SLX4IP: variants seen among roughly 807,000 people sequenced by gnomAD.
SLX4IP encodes protein SLX4IP.
SLX4IP carries 34 observed loss-of-function variants against 32.9 expected under a neutral mutation model. That is an observed-to-expected ratio of 1.03 (90% CI 0.79 to 1.38). The LOEUF (loss-of-function observed/expected upper bound fraction) is 1.38. SLX4IP is among the 40% of genes most tolerant of loss of function. SLX4IP has a pLI of 0.00. For missense variants in SLX4IP, 444 were observed against 479.0 expected, an observed-to-expected ratio of 0.93 and a Z score of 0.68; for synonymous variants, 172 against 171.7, an observed-to-expected ratio of 1.00 and a Z score of -0.01.
At chr20:10,510,477 C>T (rs765765214) in intron 2 of SLX4IP, among the ~76,000 whole-genome samples, 2 of 152,160 alleles carry the variant, frequency 1.3e-5, no homozygotes, top group Non-Finnish European at 1.5e-5. Context: ...GCGGGGAGCA[C>T]GGAGCCCTGC....
intron 2 of SLX4IP, 96 bp downstream of exon 2, chr20:10,458,327 G>T: frequency 3.1e-6 from 4 of 1,275,246 alleles, no homozygotes; most frequent in South Asian, 1.5e-5. Context: ...CTAACTTTCT[G>T]CTTTTTACAC....
intron 1 of SLX4IP, among the ~76,000 whole-genome samples, chr20:10,440,888 C>T (rs2065155330): frequency 6.6e-6 from 1 of 152,176 alleles, no homozygotes; most frequent in Non-Finnish European, 1.5e-5. Context: ...AGACACTGAG[C>T]ATCCACTGTG....
At chr20:10,441,953 G>A (rs1295255309) in intron 1 of SLX4IP, among the ~76,000 whole-genome samples, 4 of 152,060 alleles carry the variant, frequency 2.6e-5, no homozygotes, top group African/African-American at 9.7e-5. Context: ...TGTTGGGAGA[G>A]GACAACAGTG....
chr20:10,450,103 T>C (rs907362084), intron 1 of SLX4IP, among the ~76,000 whole-genome samples: 1 of 152,250 alleles, frequency 6.6e-6, no homozygotes, highest in African/African-American at 2.4e-5. Context: ...AAGCCTTGCC[T>C]TGGCCTTCCA....
intron 4 of SLX4IP, among the ~76,000 whole-genome samples, chr20:10,569,013 G>C (rs1411310312): frequency 6.6e-6 from 1 of 152,040 alleles, no homozygotes; most frequent in Non-Finnish European, 1.5e-5. Context: ...AATCTCTGTT[G>C]ATCCCACGTG....
At chr20:10,466,834 A>G (rs1209710238) in intron 2 of SLX4IP, among the ~76,000 whole-genome samples, 3 of 143,894 alleles carry the variant, frequency 2.1e-5, no homozygotes, top group African/African-American at 7.5e-5. Context: ...ATTAATATTT[A>G]GGAGGAAAGG....
intron 6 of SLX4IP, among the ~76,000 whole-genome samples, chr20:10,606,628 T>G (rs559617995): frequency 1.3e-5 from 2 of 152,212 alleles, no homozygotes; most frequent in East Asian, 3.8e-4. Flanking sequence ...ACCTAATAAC[T>G]GATGACCAAT....
At chr20:10,593,436 G>T (rs2066735205) in intron 4 of SLX4IP, among the ~76,000 whole-genome samples, 1 of 151,202 alleles carries the variant, frequency 6.6e-6, no homozygotes, top group African/African-American at 2.4e-5. Context: ...GGCAACTGAG[G>T]TTAAAAAAAA....
chr20:10,552,414 T>C (rs898820631), intron 2 of SLX4IP, among the ~76,000 whole-genome samples: 2 of 152,028 alleles, frequency 1.3e-5, no homozygotes, highest in African/African-American at 4.8e-5. Flanking sequence ...TTTTCTTTTT[T>C]TTTTTCACTT....
chr20:10,452,431 C>T (rs1457322883), intron 1 of SLX4IP, among the ~76,000 whole-genome samples: 1 of 151,654 alleles, frequency 6.6e-6, no homozygotes, highest in African/African-American at 2.4e-5. Context: ...TTTGGGAGGC[C>T]GAGGTGGGCG....
intron 2 of SLX4IP, among the ~76,000 whole-genome samples, chr20:10,543,572 C>T (rs181916103): frequency 3.3e-5 from 5 of 152,296 alleles, no homozygotes; most frequent in Admixed American, 3.3e-4. Context: ...TGGGACAAGC[C>T]AGCAAAGGAG....
intron 6 of SLX4IP, 37 bp downstream of exon 6, chr20:10,601,856 C>T: frequency 6.5e-7 from 1 of 1,548,866 alleles, no homozygotes; most frequent in Non-Finnish European, 8.9e-7. Flanking sequence ...AATAAGTCTG[C>T]TTAAATGCTG....
chr20:10,622,675 A>G lies in SLX4IP; in HGVS notation c.523A>G (p.Thr175Ala), dbSNP rs576689377. ...ALKEIVKRTETKSSVTSKSQT... is the reference protein window; with the variant it reads ...ALKEIVKRTEAKSSVTSKSQT... Reference sequence around the variant, plus strand: ...TTGTTTCAGTGTGAAAAGAACTGAAACAAAAAGCAGTGTCACGAGCAAATC... The same window carrying G: ...TTGTTTCAGTGTGAAAAGAACTGAAGCAAAAAGCAGTGTCACGAGCAAATC... Residue 175 changes from threonine to alanine, a missense_variant, in exon 8 of 8, where the codon ACA becomes GCA. Physicochemically the swap from Thr to Ala is moderately conservative, Grantham distance 58. Coordinates refer to ENST00000334534, the MANE Select transcript of SLX4IP (RefSeq NM_001009608.3). 1.2e-6 allele frequency: 2 copies of G among 1,608,674 alleles called. No homozygotes were observed. The highest frequency in any genetic ancestry group is 1.7e-5 in the Admixed American group (1 of 59,710).
chr20:10,442,059 G>C (rs1447766253), intron 1 of SLX4IP, among the ~76,000 whole-genome samples: 4 of 152,140 alleles, frequency 2.6e-5, no homozygotes. Flanking sequence ...ACTAATGAAA[G>C]TTTTTTAAGA....
chr20:10,599,220 G>A (rs2066812083), intron 5 of SLX4IP, among the ~76,000 whole-genome samples: 1 of 152,110 alleles, frequency 6.6e-6, no homozygotes, highest in Non-Finnish European at 1.5e-5. Context: ...GCCAGCAACA[G>A]TAAAGTCAGA....
At chr20:10,452,333 C>A (rs1191251091) in intron 1 of SLX4IP, among the ~76,000 whole-genome samples, 1 of 151,920 alleles carries the variant, frequency 6.6e-6, no homozygotes, top group East Asian at 1.9e-4. Context: ...GAGATGAAGA[C>A]CAGCGTGGGC....
intron 6 of SLX4IP, among the ~76,000 whole-genome samples, chr20:10,602,298 CTCTCTCTCTG>C (rs1162943554): frequency 5.3e-5 from 8 of 152,196 alleles, no homozygotes; most frequent in East Asian, 1.9e-4. Flanking sequence ...CTCTCTCTCT[CTCTCTCTCTG>C]TCTCTCTGTC....
At chr20:10,455,561 C>T (rs566160398) in intron 1 of SLX4IP, among the ~76,000 whole-genome samples, 1 of 151,006 alleles carries the variant, frequency 6.6e-6, no homozygotes, top group Non-Finnish European at 1.5e-5. Context: ...CAATTTTATT[C>T]CAATTGACCT....
intron 2 of SLX4IP, among the ~76,000 whole-genome samples, chr20:10,481,166 A>G (rs1721794417): frequency 6.6e-6 from 1 of 151,962 alleles, no homozygotes; most frequent in Admixed American, 6.6e-5. Flanking sequence ...AAAGGTTTGT[A>G]TAAATTTAGG....
Sources: allele counts gnomAD v4.1 joint callset (sites outside exome capture counted in the v4.1 genomes callset), GRCh38; gene constraint gnomAD v4.1.1; transcripts MANE v1.5; gene names NCBI Gene and HGNC (gene_info 2026-07-23, HGNC 2026-07-21).